Variants in WNK2 observed in about 807,000 individuals in gnomAD.
The protein encoded by WNK2 is WNK lysine deficient protein kinase 2.
WNK2 carries 67 observed loss-of-function variants against 192.1 expected under a neutral mutation model. That is an observed-to-expected ratio of 0.35 (90% confidence interval 0.29 to 0.43). WNK2 has a LOEUF of 0.43. Among genes scored for constraint, WNK2 ranks in the 20% least tolerant of loss-of-function variants. The pLI, the probability that WNK2 is intolerant of heterozygous loss-of-function variation, is 1.00. For missense variants in WNK2, 2,698 were observed against 3,089.7 expected, an observed-to-expected ratio of 0.87 and a Z score of 3.01; for synonymous variants, 1,439 against 1,393.9, an observed-to-expected ratio of 1.03 and a Z score of -0.72.
chr9:93,252,964 C>T lies in WNK2; in HGVS notation c.1916C>T (p.Ser639Phe). Residue 639 changes from serine to phenylalanine, a missense_variant, in exon 9 of 30, where the codon TCC (serine) becomes TTC (phenylalanine). This residue lies in a region of WNK2 where 893 missense variants were observed against 909.0 expected (regional missense o/e 0.98). Transcript: ENST00000427277. ...QSSQQSVMLG[S>F]LADAAPSPAQ... ...AGCCAGCAGAGCGTGATGCTTGGCT[C>T]CCTTGCCGACGCAGCGCCGTCCCCG... 1.9e-6 allele frequency: 3 copies of T among 1,576,170 alleles called. No homozygotes were observed. The highest frequency in any genetic ancestry group is 2.6e-6 in the Non-Finnish European group (3 of 1,162,114).
intron 18 of WNK2, 100 bp from the exon 19 acceptor site, chr9:93,268,527 C>A: frequency 6.5e-7 from 1 of 1,528,986 alleles, no homozygotes; most frequent in South Asian, 1.2e-5. Context: ...TAAAGGAGTT[C>A]ACAGACCCAC....
intron 6 of WNK2, 64 bp downstream of exon 6, chr9:93,238,385 T>C (rs1236238173): frequency 2.0e-6 from 3 of 1,472,430 alleles, no homozygotes; most frequent in East Asian, 2.3e-5. Flanking sequence ...CCAGCTTGCA[T>C]TGAGAGCTGT....
chr9:93,317,901 C>G, intron 29 of WNK2: 1 of 1,589,872 alleles, frequency 6.3e-7, no homozygotes, highest in Non-Finnish European at 8.6e-7. Flanking sequence ...CCCGGAGAAA[C>G]CAGGTGTGGT....
At chr9:93,255,347 G>A (rs1843128105) in intron 9 of WNK2, among the ~76,000 whole-genome samples, 1 of 152,202 alleles carries the variant, frequency 6.6e-6, no homozygotes, top group South Asian at 2.1e-4. Context: ...CTTGCTCCAG[G>A]CTGCCAGGCC....
intron 2 of WNK2, among the ~76,000 whole-genome samples, chr9:93,192,599 G>A (rs1830535480): frequency 6.6e-6 from 1 of 152,122 alleles, no homozygotes. Context: ...CCAAGAGGGA[G>A]GAGCTCATTA....
rs566862528 is a variant in WNK2 at position 93,245,673 on chromosome 9, C to T, written c.1543-1870C>T. On this transcript the variant is annotated intron_variant, in intron 7 of 29. Transcript: ENST00000427277. ...AAATATCTTGTTTGTCACCAATCTT[C>T]TCACTTATTTCTTTATCTCTCTGTG... Among the ~76,000 whole-genome samples the T allele has an allele frequency of 7.9e-5, 12 of 152,368 alleles. No homozygotes were observed. The East Asian group carries it at 2.3e-3, about 29-fold the overall frequency.
At chr9:93,184,502 G>A (rs972815741) in intron 1 of WNK2, among the ~76,000 whole-genome samples, 117 bp downstream of exon 1, 5 of 151,882 alleles carry the variant, frequency 3.3e-5, no homozygotes, top group Admixed American at 3.3e-4. Context: ...TTGTGGAGCC[G>A]CCGCCGGGCC....
At chr9:93,317,829 C>A (rs2134475619) in intron 29 of WNK2, 198 bp downstream of exon 29, 1 of 1,501,182 alleles carries the variant, frequency 6.7e-7, no homozygotes, top group East Asian at 2.4e-5. Flanking sequence ...CATGCCTGGC[C>A]CCCGGCTGCG....
chr9:93,292,204 AGGCACTCCCAT>A, intron 21 of WNK2, 93 bp from the exon 22 acceptor site: 1 of 1,167,276 alleles, frequency 8.6e-7, no homozygotes. Flanking sequence ...GCCTGTCTGG[AGGCACTCCCAT>A]GGGATCACTT....
At chr9:93,276,721 T>C (rs559971714) in intron 19 of WNK2, among the ~76,000 whole-genome samples, 21 of 152,280 alleles carry the variant, frequency 1.4e-4, no homozygotes, top group African/African-American at 5.1e-4. Flanking sequence ...TTCTCAAAAC[T>C]CAACAGTAAA....
intron 28 of WNK2, among the ~76,000 whole-genome samples, chr9:93,310,431 T>C (rs1853435414): frequency 1.4e-5 from 2 of 138,570 alleles, no homozygotes; most frequent in South Asian, 5.7e-4. Flanking sequence ...AAACTTTTAT[T>C]TTTGTCATGG....
chr9:93,222,890 C>T (rs1837168858), intron 2 of WNK2, among the ~76,000 whole-genome samples: 1 of 152,164 alleles, frequency 6.6e-6, no homozygotes, highest in South Asian at 2.1e-4. Context: ...CCACATTGGC[C>T]AGGCTGGTCT....
chr9:93,223,255 C>G (rs1437148908), intron 2 of WNK2, among the ~76,000 whole-genome samples: 1 of 152,198 alleles, frequency 6.6e-6, no homozygotes, highest in African/African-American at 2.4e-5. Flanking sequence ...AGGCCCAGTG[C>G]CTGCCTCTTG....
chr9:93,306,660 TG>T, intron 26 of WNK2, 116 bp from the exon 27 acceptor site: 1 of 1,311,592 alleles, frequency 7.6e-7, no homozygotes, highest in African/African-American at 1.5e-5. Context: ...TCTGAACTGC[TG>T]CCTGTGTCTG....
Position 93,259,252 on chromosome 9 carries a change from G to A in WNK2, c.2704G>A (p.Ala902Thr), listed in dbSNP as rs771208175. 3 of 1,613,266 alleles carry A rather than the reference G, an allele frequency of 1.9e-6. No individual in the cohort carries two copies. The highest frequency in any genetic ancestry group is 2.5e-6 in the Non-Finnish European group (3 of 1,179,786). The part of the protein sequence containing the change: ...PGVAALSIHS[A>T]VAQLPGQPVY... ...CGTGGCTGCCCTGTCCATTCATTCT[G>A]CCGTGGCCCAGCTCCCAGGCCAACC... Residue 902 changes from alanine to threonine, a missense_variant, in exon 12 of 30, where the codon GCC becomes ACC. Around this residue, in one of 7 missense-constraint regions of WNK2, gnomAD observed 893 missense variants for 909.0 expected, o/e 0.98. Transcript: ENST00000427277. This position sits in a 1 kb window ranked among gnomAD's most constrained non-coding sequence, Gnocchi z 4.8.
In WNK2 at chr9:93,320,352, G is replaced by A. The variant is rs571428237; in HGVS notation, c.6629-15G>A. On this transcript the variant is annotated splice_polypyrimidine_tract_variant and intron_variant, in intron 29 of 29. Coordinates refer to ENST00000427277, the MANE Select transcript of WNK2 (RefSeq NM_006648.4). ...GCGGTGGGCCCACAGTCAGCTGCGC[G>A]GTTTTGTTTTCCAGATCCTGAGAGT... The A allele has an allele frequency of 1.5e-5, 21 of 1,367,502 alleles. No individual in the cohort carries two copies. The highest frequency in any genetic ancestry group is 5.7e-5 in the Admixed American group (3 of 52,588). The allele number at this position is 1,367,502 out of a possible 1,614,324, so 84.7% of individuals were successfully genotyped here.
chr9:93,238,129 C>A, intron 5 of WNK2, 104 bp from the exon 6 acceptor site: 1 of 972,828 alleles, frequency 1.0e-6, no homozygotes, highest in Non-Finnish European at 1.6e-6. Flanking sequence ...AAGTCCAGTG[C>A]CCGTGTCCTG....
chr9:93,289,534 C>T lies in WNK2; in HGVS notation c.4780C>T (p.Arg1594Cys), dbSNP rs376965605. ...GGAGCCCCTGAGAGGGGACCAGCCC[C>T]GCTCAGAGGTCTGCGGGGGGGACCT... Reference protein sequence around the residue: ...TLEPLRGDQPRSEVCGGDLAL... With the variant: ...TLEPLRGDQPCSEVCGGDLAL... Residue 1594 changes from arginine to cysteine, a missense_variant, in exon 20 of 30, where the codon CGC becomes TGC. Transcript: ENST00000427277. 59 of 1,586,090 alleles carry T rather than the reference C, an allele frequency of 3.7e-5. 1 individual carries two copies. Among genetic ancestry groups the T allele is most frequent in the East Asian group, 2.5e-4 (11 of 44,162 alleles).
chr9:93,283,106 C>T (rs1429695023), intron 19 of WNK2, among the ~76,000 whole-genome samples: 1 of 152,088 alleles, frequency 6.6e-6, no homozygotes, highest in Admixed American at 6.5e-5. Context: ...ATGATATGAA[C>T]ATCATGCTAA....
Sources: allele counts gnomAD v4.1 joint callset (sites outside exome capture counted in the v4.1 genomes callset), GRCh38; gene constraint gnomAD v4.1.1; regional missense constraint gnomAD v4.1.1; non-coding constraint Gnocchi (gnomAD v3.1); transcripts MANE v1.5; gene names NCBI Gene and HGNC (gene_info 2026-07-23, HGNC 2026-07-21).